Variants in NTPCR observed in about 807,000 individuals in gnomAD.
NTPCR encodes the protein nucleoside-triphosphatase, cancer-related, also known as cancer-related nucleoside-triphosphatase.
A neutral mutation model predicts 19.5 loss-of-function variants in NTPCR; 15 were observed. The ratio of observed to expected loss-of-function variants is 0.77; its 90% CI spans 0.51 to 1.18. The LOEUF (loss-of-function observed/expected upper bound fraction) is 1.18. Among genes scored for constraint, NTPCR ranks in the 50% most tolerant of loss-of-function variants. The probability of loss-of-function intolerance (pLI) is 0.00; values close to 1 mark genes in which losing one functional copy is unlikely to be tolerated. For synonymous variants in NTPCR, 90 were observed against 95.8 expected, an observed-to-expected ratio of 0.94 and a Z score of 0.36; for missense variants, 206 against 240.4, an observed-to-expected ratio of 0.86 and a Z score of 0.95.
chr1:232,956,306 C>A, intron 2 of NTPCR, 41 bp from the exon 3 acceptor site: 1 of 1,415,344 alleles, frequency 7.1e-7, no homozygotes, highest in Non-Finnish European at 1.0e-6. Context: ...GAAATCAATA[C>A]AGGAGTTTTT....
intron 3 of NTPCR, among the ~76,000 whole-genome samples, chr1:232,960,244 C>G (rs763263560): frequency 1.4e-5 from 2 of 146,046 alleles, no homozygotes; most frequent in Non-Finnish European, 3.0e-5. Context: ...AAAAAGTGGC[C>G]GGGAGCTGAA....
At chr1:232,976,233 G>T in intron 4 of NTPCR, 4 of 1,335,664 alleles carry the variant, frequency 3.0e-6, no homozygotes, top group Non-Finnish European at 3.9e-6. Context: ...TCAAATCAGG[G>T]TAATTTCCAT....
chr1:232,963,696 A>AT (rs1227653763), intron 3 of NTPCR: 2 of 152,090 alleles, frequency 1.3e-5, no homozygotes, highest in African/African-American at 2.4e-5. Context: ...TTTTTTGACA[A>AT]TTTTTTTAAC....
intron 3 of NTPCR, among the ~76,000 whole-genome samples, chr1:232,961,158 G>C (rs1342324816): frequency 6.6e-6 from 1 of 152,194 alleles, no homozygotes; most frequent in East Asian, 1.9e-4. Flanking sequence ...TTTCATCTTT[G>C]ATTTAACTAT....
At chr1:232,961,427 A>G (rs979300771) in intron 3 of NTPCR, among the ~76,000 whole-genome samples, 1 of 152,154 alleles carries the variant, frequency 6.6e-6, no homozygotes, top group African/African-American at 2.4e-5. Flanking sequence ...CTTATTTTCA[A>G]CACACTGCTT....
chr1:232,957,230 CCTT>C (rs1403032965), intron 3 of NTPCR, among the ~76,000 whole-genome samples: 1 of 151,998 alleles, frequency 6.6e-6, no homozygotes, highest in African/African-American at 2.4e-5. Flanking sequence ...GGAAGTGTTT[CCTT>C]CTTTTCTAAT....
chr1:232,970,545 G>T (rs538932420), intron 4 of NTPCR, among the ~76,000 whole-genome samples: 51 of 152,270 alleles, frequency 3.3e-4, no homozygotes, highest in African/African-American at 1.1e-3. Flanking sequence ...GGGAGAAGAG[G>T]CTGTGGATGT....
chr1:232,962,559 A>T (rs1406259731), intron 3 of NTPCR: 1 of 152,244 alleles, frequency 6.6e-6, no homozygotes, highest in East Asian at 1.9e-4. Flanking sequence ...AAGATGTAAC[A>T]TTTTATTGAT....
intron 4 of NTPCR, chr1:232,976,487 C>T: frequency 6.5e-7 from 1 of 1,544,972 alleles, no homozygotes; most frequent in Non-Finnish European, 8.7e-7. Context: ...GTGCCCACCT[C>T]TGTGTCGCCT....
intron 4 of NTPCR, among the ~76,000 whole-genome samples, chr1:232,971,247 C>G (rs1301044494): frequency 6.6e-6 from 1 of 152,220 alleles, no homozygotes; most frequent in Non-Finnish European, 1.5e-5. Context: ...TCCCCACCCC[C>G]AGTTTAAAAG....
intron 4 of NTPCR, among the ~76,000 whole-genome samples, chr1:232,971,560 G>A (rs1196927118): frequency 6.6e-6 from 1 of 152,176 alleles, no homozygotes; most frequent in East Asian, 1.9e-4. Context: ...TTGGTCAATA[G>A]TGATTGAGCA....
chr1:232,974,450 G>T (rs1236004095), intron 4 of NTPCR, among the ~76,000 whole-genome samples: 1 of 152,176 alleles, frequency 6.6e-6, no homozygotes, highest in African/African-American at 2.4e-5. Flanking sequence ...AGTGTAGTGG[G>T]CTTTTCTTCC....
At position 232,969,914 on chromosome 1, in the gene NTPCR, C is replaced by T; in HGVS notation, c.300C>T (p.Asp100=). ...AAAGTCTTTGTCATTCTCAGGCCGA[C>T]TGCAGCAGTGGCCCAGGGCAAAGAG... The part of the protein sequence containing the change: ...QLALPVLRNA[D]CSSGPGQRVC... Residue 100 remains aspartate (D), a synonymous_variant, in exon 4 of 5, where the codon GAC becomes GAT. Coordinates refer to ENST00000366628, the MANE Select transcript of NTPCR (RefSeq NM_032324.3). 1 of 1,613,916 alleles carries T rather than the reference C, an allele frequency of 6.2e-7. No individual in the cohort carries two copies. Among genetic ancestry groups the T allele is most frequent in the Non-Finnish European group, 8.5e-7 (1 of 1,179,830 alleles).
At position 232,962,446 on chromosome 1, in the gene NTPCR, T is replaced by C. The variant is rs562754192; in HGVS notation, c.294+6003T>C. The C allele has an allele frequency of 2.6e-5, 4 of 152,318 alleles. No homozygotes were observed. The South Asian group carries it at 6.2e-4, about 24-fold the overall frequency. 9.4% of individuals were successfully genotyped at this position (152,318 alleles called of 1,614,324 possible). On this transcript the variant is annotated intron_variant, in intron 3 of 4. Coordinates refer to ENST00000366628, the MANE Select transcript of NTPCR (RefSeq NM_032324.3). ...GTGCTACTGGAATTAGGATTGTTTT[T>C]TCTGTTTTCTAATGATCAAGGCTGA...
intron 3 of NTPCR, chr1:232,964,645 T>C (rs1668763471): frequency 6.6e-6 from 1 of 152,222 alleles, no homozygotes; most frequent in East Asian, 1.9e-4. Flanking sequence ...AAAATTACTA[T>C]ACATTGAAGC....
chr1:232,963,853 G>GTGTGTGTGTGTGTGTT (rs1571959526), intron 3 of NTPCR: 1 of 151,904 alleles, frequency 6.6e-6, no homozygotes, highest in East Asian at 1.9e-4. Flanking sequence ...GTGTGTGTGT[G>GTGTGTGTGTGTGTGTT]TGTGTGTGTG....
rs539479237 is a variant in NTPCR at position 232,981,588 on chromosome 1, T to C, written c.*3357T>C. On this transcript the variant is annotated 3_prime_UTR_variant, in exon 5 of 5. Transcript: ENST00000366628. ...TTTTAACAAATTACTTGCCAGATGA[T>C]TTCAACACACTGCAAAATTTAGAAT... 2.4e-4 allele frequency: 36 copies of C among 152,290 alleles called. No homozygotes were observed. The highest frequency in any genetic ancestry group is 8.7e-4 in the African/African-American group (36 of 41,548). 9.4% of individuals were successfully genotyped at this position (152,290 alleles called of 1,614,324 possible).
At chr1:232,969,094 TG>T (rs1421285025) in intron 3 of NTPCR, 3 of 152,336 alleles carry the variant, frequency 2.0e-5, no homozygotes, top group African/African-American at 7.2e-5. Flanking sequence ...GTCAAGCTGT[TG>T]GCTGGGGCTG....
At chr1:232,968,667 G>C (rs1199641605) in intron 3 of NTPCR, 1 of 152,222 alleles carries the variant, frequency 6.6e-6, no homozygotes, top group Non-Finnish European at 1.5e-5. Context: ...ACCATATGCT[G>C]CTTTGGCTTT....
Sources: allele counts gnomAD v4.1 joint callset (sites outside exome capture counted in the v4.1 genomes callset), GRCh38; gene constraint gnomAD v4.1.1; transcripts MANE v1.5; gene names NCBI Gene and HGNC (gene_info 2026-07-23, HGNC 2026-07-21).